Variants in DNAH1 observed in about 807,000 individuals in gnomAD.
The protein encoded by DNAH1 is axonemal beta dynein heavy chain 1.
A neutral mutation model predicts 484.3 loss-of-function variants in DNAH1; 327 were observed. The observed-to-expected ratio is 0.68, with a 90% CI of 0.62 to 0.74. The LOEUF is 0.74. Among genes scored for constraint, DNAH1 ranks in the 30% least tolerant of loss-of-function variants. The pLI, the probability that DNAH1 is intolerant of heterozygous loss-of-function variation, is 0.00. For synonymous variants in DNAH1, 2,192 were observed against 2,191.9 expected, an observed-to-expected ratio of 1.00 and a Z score of 0.00; for missense variants, 5,052 against 5,546.8, an observed-to-expected ratio of 0.91 and a Z score of 2.83.
intron 1 of DNAH1, among the ~76,000 whole-genome samples, chr3:52,320,774 A>G (rs1000777391): frequency 2.0e-5 from 3 of 146,448 alleles, no homozygotes; most frequent in Admixed American, 2.0e-4. Context: ...TTTCATTAAG[A>G]TGCTTTCCTT....
intron 46 of DNAH1, 94 bp from the exon 47 acceptor site, chr3:52,378,508 G>C (rs1703701133): frequency 1.5e-6 from 2 of 1,354,344 alleles, no homozygotes; most frequent in East Asian, 4.6e-5. Context: ...CTTGGTGGGG[G>C]GCACAGCACA....
intron 54 of DNAH1, 74 bp downstream of exon 54, chr3:52,385,521 C>G: frequency 8.0e-7 from 1 of 1,249,264 alleles, no homozygotes; most frequent in Non-Finnish European, 1.1e-6. Context: ...GGCGCAGGCT[C>G]GCTAGCTGCC....
Position 52,349,073 on chromosome 3 carries a change from C to G in DNAH1, c.2292C>G (p.Ser764=). 1 of 1,613,090 alleles carries G rather than the reference C, an allele frequency of 6.2e-7. No homozygotes were observed. The highest frequency in any genetic ancestry group is 1.3e-5 in the African/African-American group (1 of 75,066). Residue 764 remains serine, a synonymous_variant, in exon 13 of 78, where the codon TCC becomes TCG. Coordinates refer to ENST00000420323, the MANE Select transcript of DNAH1 (RefSeq NM_015512.5). The part of the protein sequence containing the change: ...YLELNNNDIA[S]FLKTYQTQGL... Reference sequence around the variant, plus strand: ...AGCTGAACAACAATGACATTGCCTCCTTTCTCAAGTGCGTACGTGTGCCCA... The same window carrying G: ...AGCTGAACAACAATGACATTGCCTCGTTTCTCAAGTGCGTACGTGTGCCCA...
chr3:52,322,041 C>T (rs1701167439), intron 1 of DNAH1, among the ~76,000 whole-genome samples: 1 of 152,116 alleles, frequency 6.6e-6, no homozygotes, highest in Admixed American at 6.5e-5. Context: ...CTCTGGGCCT[C>T]CCTCCCCATC....
In DNAH1 at chr3:52,380,108, C is replaced by T. The variant is rs777693111; in HGVS notation, c.7581C>T (p.Ser2527=). The T allele has an allele frequency of 8.7e-6, 14 of 1,601,012 alleles. No individual in the cohort carries two copies. Among genetic ancestry groups the T allele is most frequent in the South Asian group, 2.3e-5 (2 of 88,526 alleles). The change falls in exon 48 of 78, where the codon TCC becomes TCT. Residue 2527 remains serine, a synonymous_variant. Coordinates refer to ENST00000420323, the MANE Select transcript of DNAH1 (RefSeq NM_015512.5). ...DFMSPGSDVK[S]YELITSESKM... ...TGTCACCAGGCTCCGATGTCAAGTC[C>T]TACGAGCTCATCACCAGTGAGAGTA...
intron 64 of DNAH1, 55 bp from the exon 65 acceptor site, chr3:52,392,775 C>A: frequency 2.6e-6 from 4 of 1,558,514 alleles, no homozygotes; most frequent in Non-Finnish European, 3.5e-6. Flanking sequence ...GGCCTGCCCC[C>A]CAAACCCCCT....
At position 52,396,635 on chromosome 3, in the gene DNAH1, TCTG is replaced by T; in HGVS notation, c.11455_11457del (p.Leu3819del). ...TCCCCCAGGTGATGGAGTTCAAGTCTCTGCTGCTGTCTCTGTGCTTGTTCCATG... is the reference window on the plus strand; with the variant it reads ...TCCCCCAGGTGATGGAGTTCAAGTCTCTGCTGTCTCTGTGCTTGTTCCATG... On this transcript the variant is annotated inframe_deletion, in exon 72 of 78. Transcript: ENST00000420323. 1 of 1,613,084 alleles carries T rather than the reference TCTG, an allele frequency of 6.2e-7. No homozygotes were observed. The highest frequency in any genetic ancestry group is 1.3e-5 in the African/African-American group (1 of 74,968).
At chr3:52,388,132 A>T in intron 56 of DNAH1, 35 bp from the exon 57 acceptor site, 1 of 1,590,534 alleles carries the variant, frequency 6.3e-7, no homozygotes, top group Non-Finnish European at 8.6e-7. Flanking sequence ...CACCCTTGAG[A>T]AGCAGCCTCT....
rs760228635 is a variant in DNAH1 at position 52,322,528 on chromosome 3, G to C, written c.86G>C (p.Gly29Ala). The change falls in exon 2 of 78, where the codon GGG becomes GCG. Residue 29 changes from glycine to alanine, a missense_variant. This residue lies in a region of DNAH1 where 1,263 missense variants were observed against 1,218.8 expected (regional missense o/e 1.04). Transcript: ENST00000420323. ...AGCAGTGCTCCTGCAGTCCAAGTGG[G>C]GACCCACAGGGGCCTAGAGTATAAC... ...ECSSAPAVQV[G>A]THRGLEYNPG... The C allele has an allele frequency of 1.9e-6, 3 of 1,613,704 alleles. No homozygotes were observed. Among genetic ancestry groups the C allele is most frequent in the Non-Finnish European group, 2.5e-6 (3 of 1,179,786 alleles).
chr3:52,331,439 T>A, intron 7 of DNAH1, 130 bp downstream of exon 7: 1 of 1,116,022 alleles, frequency 9.0e-7, no homozygotes, highest in East Asian at 2.6e-5. Context: ...CCCAATGCCC[T>A]GACCGGTGAG....
At chr3:52,399,295 AC>A in intron 76 of DNAH1, 94 bp downstream of exon 76, 3 of 1,320,010 alleles carry the variant, frequency 2.3e-6, no homozygotes, top group Non-Finnish European at 3.1e-6. Context: ...CAGTTGGGGG[AC>A]CCCTAAGCCA....
intron 56 of DNAH1, among the ~76,000 whole-genome samples, chr3:52,387,243 A>G (rs1252775118): frequency 1.3e-5 from 2 of 152,008 alleles, no homozygotes; most frequent in South Asian, 2.1e-4. Context: ...CAAGACCTTC[A>G]CCATCTGCCC....
At chr3:52,348,083 G>A (rs1702221229) in intron 12 of DNAH1, 109 bp downstream of exon 12, 10 of 1,174,136 alleles carry the variant, frequency 8.5e-6, no homozygotes, top group South Asian at 1.6e-5. Flanking sequence ...GCCTCCTGTC[G>A]GGCAGGCAGC....
intron 51 of DNAH1, 43 bp downstream of exon 51, chr3:52,383,637 G>A: frequency 6.6e-7 from 1 of 1,514,064 alleles, no homozygotes; most frequent in Non-Finnish European, 8.9e-7. Context: ...CAGCGGAGCT[G>A]GGTGTGTACA....
intron 61 of DNAH1, 27 bp downstream of exon 61, chr3:52,391,081 C>G (rs1446108710): frequency 1.9e-6 from 3 of 1,584,290 alleles, no homozygotes; most frequent in Non-Finnish European, 1.7e-6. Flanking sequence ...GGCACCACCA[C>G]CCCACCCCAG....
intron 8 of DNAH1, among the ~76,000 whole-genome samples, chr3:52,338,887 AG>A: frequency 6.6e-6 from 1 of 150,900 alleles, no homozygotes; most frequent in Non-Finnish European, 1.5e-5. Context: ...AAAAAAAAAA[AG>A]CCAGATGTGG....
chr3:52,386,730 C>T lies in DNAH1; in HGVS notation c.8880C>T (p.Gly2960=). The change falls in exon 56 of 78, where the codon GGC becomes GGT. Residue 2960 remains glycine, a synonymous_variant. Coordinates refer to ENST00000420323, the MANE Select transcript of DNAH1 (RefSeq NM_015512.5). ...TAGAAGCTGTGTGCATTATGAAAGGCATCAAGCCCAAGAAGGTGCCTGGAG... is the reference window on the plus strand; with the variant it reads ...TAGAAGCTGTGTGCATTATGAAAGGTATCAAGCCCAAGAAGGTGCCTGGAG... ...LVIEAVCIMK[G]IKPKKVPGEK... 1 of 1,590,548 alleles carries T rather than the reference C, an allele frequency of 6.3e-7. No homozygotes were observed. The highest frequency in any genetic ancestry group is 8.6e-7 in the Non-Finnish European group (1 of 1,168,778).
intron 8 of DNAH1, among the ~76,000 whole-genome samples, chr3:52,333,565 T>G (rs937999194): frequency 2.0e-5 from 3 of 152,024 alleles, no homozygotes; most frequent in Non-Finnish European, 4.4e-5. Flanking sequence ...TTTTTGTAGT[T>G]TTAGTAGAGA....
At chr3:52,345,887 G>A (rs1702122457) in intron 10 of DNAH1, among the ~76,000 whole-genome samples, 181 bp downstream of exon 10, 1 of 152,178 alleles carries the variant, frequency 6.6e-6, no homozygotes, top group Non-Finnish European at 1.5e-5. Context: ...GCTGGGGTGG[G>A]GACCAAGGGT....
Sources: gnomAD v4.1 joint callset for allele counts (sites outside exome capture counted in the v4.1 genomes callset) on GRCh38, gnomAD v4.1.1 for gene constraint, gnomAD v4.1.1 regional missense constraint, MANE v1.5 for transcripts, NCBI Gene and HGNC (gene_info 2026-07-23, HGNC 2026-07-21) for gene names.